Variants in ERFL observed in about 807,000 individuals in gnomAD.
ERFL encodes ETS repressor factor like.
A neutral mutation model predicts 27.9 loss-of-function variants in ERFL; 8 were observed. The ratio of observed to expected loss-of-function variants is 0.29; its 90% CI spans 0.17 to 0.52. The LOEUF is 0.52. ERFL is among the 20% of genes least tolerant of loss of function. ERFL has a pLI of 0.97. For synonymous variants in ERFL, 174 were observed against 202.8 expected (o/e 0.86, Z 1.21); for missense variants, 294 against 444.4 (o/e 0.66, Z 3.04).
Position 41,910,819 on chromosome 19 carries a change from C to A in ERFL, c.68-722G>T, listed in dbSNP as rs2074747480. Among the ~76,000 whole-genome samples the A allele has an allele frequency of 6.6e-6, 1 of 152,138 alleles. No individual in the cohort carries two copies. The highest frequency in any genetic ancestry group is 2.1e-4 in the South Asian group (1 of 4,838). On this transcript the variant is annotated intron_variant, in intron 2 of 5. Coordinates refer to ENST00000597630, the MANE Select transcript of ERFL (RefSeq NM_001365103.2). The surrounding 1 kb of genome is among the most constrained non-coding windows in gnomAD (Gnocchi z 4.4). ...ACAGCCACACTGGGACACAGGCACA[C>A]CGGAGTGCCACACTCATGCTGGGGG...
chr19:41,922,723 T>G (rs1599680223), intron 1 of ERFL, among the ~76,000 whole-genome samples: 1 of 151,396 alleles, frequency 6.6e-6, no homozygotes, highest in East Asian at 1.9e-4. Flanking sequence ...AGGGCCGGGG[T>G]CCAGCCGGGC....
chr19:41,915,217 G>A (rs922682856), intron 1 of ERFL, among the ~76,000 whole-genome samples: 26 of 120,020 alleles, frequency 2.2e-4, no homozygotes, highest in South Asian at 9.1e-4. Context: ...CGCCTCCTCC[G>A]GACACGTTAT....
rs2074743486 is a variant in ERFL, at chr19:41,910,009, C to T, written c.156G>A (p.Leu52=). The change falls in exon 3 of 6, where the codon CTG becomes CTA. Residue 52 remains leucine, a synonymous_variant. Coordinates refer to ENST00000597630, the MANE Select transcript of ERFL (RefSeq NM_001365103.2). This position sits in a 1 kb window ranked among gnomAD's most constrained non-coding sequence, Gnocchi z 4.4. The part of the protein sequence containing the change: ...IQLWHFILEL[L]QKEEYQGVIA... ...TGACGCCCTGGTACTCCTCCTTCTG[C>T]AGCAGCTCCAGGATAAAGTGCCACA... is the stretch of plus-strand genomic sequence containing the variant. 1.2e-6 allele frequency: 2 copies of T among 1,613,768 alleles called. No homozygotes were observed. The highest frequency in any genetic ancestry group is 1.7e-4 in the Middle Eastern group (1 of 5,878).
chr19:41,908,784 C>T lies in ERFL; in HGVS notation c.617-108G>A, dbSNP rs2074734367. On this transcript the variant is annotated intron_variant, in intron 5 of 5. Transcript: ENST00000597630. The surrounding 1 kb of genome is among the most constrained non-coding windows in gnomAD (Gnocchi z 6.7). ...ACCCCATCTCCCCGCATCCCTCCTA[C>T]ATGGCATCTTACCCCCTCATACAGC... 3.6e-6 allele frequency: 2 copies of T among 553,118 alleles called. No homozygotes were observed. The highest frequency in any genetic ancestry group is 9.6e-5 in the South Asian group (1 of 10,432). 34.3% of individuals were successfully genotyped at this position (553,118 alleles called of 1,614,324 possible).
rs1419097906 is a variant in ERFL, at chr19:41,916,733, A to G, written c.-13-3801T>C. 6.6e-6 allele frequency among the ~76,000 whole-genome samples: 1 copy of G among 151,834 alleles called. No individual in the cohort carries two copies. The highest frequency in any genetic ancestry group is 2.4e-5 in the African/African-American group (1 of 41,286). ...CACGCATGGAGCCGTAGAGATACAC[A>G]CACCAGCACCAACCCAGACAGCCAA... On this transcript the variant is annotated intron_variant, in intron 1 of 5. Transcript: ENST00000597630. The surrounding 1 kb of genome is among the most constrained non-coding windows in gnomAD (Gnocchi z 5.4).
chr19:41,922,491 TG>T (rs1473346959), intron 1 of ERFL, among the ~76,000 whole-genome samples: 2 of 151,208 alleles, frequency 1.3e-5, no homozygotes, highest in Non-Finnish European at 2.9e-5. Context: ...AGGCCAAAAA[TG>T]GGGAGAAGTG....
At position 41,909,666 on chromosome 19, in the gene ERFL, C is replaced by T. The variant is rs2074741472; in HGVS notation, c.303-195G>A. Among the ~76,000 whole-genome samples the T allele has an allele frequency of 6.6e-6, 1 of 152,118 alleles. No homozygotes were observed. Among genetic ancestry groups the T allele is most frequent in the African/African-American group, 2.4e-5 (1 of 41,418 alleles). Reference sequence around the variant, plus strand: ...AGGCAGGAGCGGGGACCCTGCCCTGCAAGACTCCAAAGCCCAGGTTTAGGG... The same window carrying T: ...AGGCAGGAGCGGGGACCCTGCCCTGTAAGACTCCAAAGCCCAGGTTTAGGG... On this transcript the variant is annotated intron_variant, in intron 3 of 5. Coordinates refer to ENST00000597630, the MANE Select transcript of ERFL (RefSeq NM_001365103.2). This position sits in a 1 kb window ranked among gnomAD's most constrained non-coding sequence, Gnocchi z 5.2.
intron 1 of ERFL, among the ~76,000 whole-genome samples, chr19:41,924,591 G>A (rs1193047214): frequency 6.6e-6 from 1 of 152,158 alleles, no homozygotes; most frequent in Admixed American, 6.5e-5. Flanking sequence ...GGAACAGGTG[G>A]GGCACACATT....
intron 2 of ERFL, among the ~76,000 whole-genome samples, chr19:41,912,089 A>C (rs10417495): frequency 0.23 from 34,247 of 152,012 alleles, 11,011 homozygotes; most frequent in African/African-American, 0.71. Flanking sequence ...GCACAGTCGG[A>C]GAGCTGGCAG....
intron 1 of ERFL, among the ~76,000 whole-genome samples, chr19:41,919,173 C>A (rs1166330723): frequency 3.3e-5 from 5 of 152,016 alleles, no homozygotes; most frequent in Non-Finnish European, 5.9e-5. Flanking sequence ...GCTTACTACT[C>A]TCAATACCAC....
intron 1 of ERFL, among the ~76,000 whole-genome samples, chr19:41,923,472 A>G (rs2145908925): frequency 6.6e-6 from 1 of 151,186 alleles, no homozygotes; most frequent in Middle Eastern, 3.4e-3. Flanking sequence ...ACAGAGACAA[A>G]AAGACAGGGT....
At chr19:41,926,624 C>T (rs2074871951) in intron 1 of ERFL, among the ~76,000 whole-genome samples, 1 of 151,994 alleles carries the variant, frequency 6.6e-6, no homozygotes, top group Admixed American at 6.5e-5. Context: ...CTGGGCTAGG[C>T]GAGGCCTGGC....
In ERFL at chr19:41,908,392, G is replaced by A. The variant is rs551336701; in HGVS notation, c.901C>T (p.Leu301=). The A allele has an allele frequency of 6.5e-6, 8 of 1,231,308 alleles. No homozygotes were observed. The African/African-American group carries it at 1.1e-4, about 17-fold the overall frequency. The allele number at this position is 1,231,308 out of a possible 1,614,324, so 76.3% of individuals were successfully genotyped here. The stretch of plus-strand genomic sequence containing the variant: ...GCCTCTGGACCCCCAGCCCCTGGCA[G>A]CGCCAGGCGAGGGGCCGCTGCCAGG... The part of the protein sequence containing the change: ...SGLAAAPRLA[L]PGAGGPEAAL... The change falls in exon 6 of 6, where the codon CTG becomes TTG. Residue 301 remains leucine (L), a synonymous_variant. Transcript: ENST00000597630. This position sits in a 1 kb window ranked among gnomAD's most constrained non-coding sequence, Gnocchi z 6.7.
chr19:41,909,299 C>A lies in ERFL; in HGVS notation c.475G>T (p.Asp159Tyr). 8.1e-7 allele frequency: 1 copy of A among 1,234,694 alleles called. No homozygotes were observed. Among genetic ancestry groups the A allele is most frequent in the Non-Finnish European group, 1.0e-6 (1 of 989,360 alleles). 76.5% of individuals were successfully genotyped at this position (1,234,694 alleles called of 1,614,324 possible). Residue 159 changes from aspartate to tyrosine, a missense_variant, in exon 4 of 6, where the codon GAT (aspartate) becomes TAT (tyrosine). Around this residue, in one of 3 missense-constraint regions of ERFL, gnomAD observed 246 missense variants for 371.4 expected, o/e 0.66. Coordinates refer to ENST00000597630, the MANE Select transcript of ERFL (RefSeq NM_001365103.2). This position sits in a 1 kb window ranked among gnomAD's most constrained non-coding sequence, Gnocchi z 5.2. ...PSPFGGAPGP[D>Y]APPLTPETLQ... ...ACCTCAGGGGTGAGGGGAGGAGCAT[C>A]TGGCCCTGGGGCCCCCCCAAAGGGA...
chr19:41,911,010 C>T (rs1555851199), intron 2 of ERFL, among the ~76,000 whole-genome samples: 1 of 152,152 alleles, frequency 6.6e-6, no homozygotes, highest in Non-Finnish European at 1.5e-5. Context: ...CCCAAATGCC[C>T]AAAGAACACA....
At chr19:41,923,689 C>T (rs1555852904) in intron 1 of ERFL, among the ~76,000 whole-genome samples, 7 of 34,754 alleles carry the variant, frequency 2.0e-4, no homozygotes, top group Non-Finnish European at 2.0e-4. Context: ...TCTGGGGAGG[C>T]AGGGGTGTGC....
rs868909516 is a variant in ERFL at position 41,914,649 on chromosome 19, T to C, written c.-13-1717A>G. Among the ~76,000 whole-genome samples, 160 of 17,810 alleles carry C rather than the reference T, an allele frequency of 9.0e-3. 3 individuals are homozygous for C. The highest frequency in any genetic ancestry group is 0.01 in the Non-Finnish European group (112 of 10,774). The allele number at this position is 17,810 out of a possible 152,430, so 11.7% of individuals were successfully genotyped here. ...TCTCTGTCTCTGTCTCTCCCTCCCT[T>C]TCCACCATCTCTGTCTCTCCCTCCC... is the stretch of plus-strand genomic sequence containing the variant. On this transcript the variant is annotated intron_variant, in intron 1 of 5. Coordinates refer to ENST00000597630, the MANE Select transcript of ERFL (RefSeq NM_001365103.2).
In ERFL at chr19:41,916,493, C is replaced by A. The variant is rs1246223494; in HGVS notation, c.-13-3561G>T. Reference sequence around the variant, plus strand: ...GTTTTACACAAATACACACATGACACATCAATTCAATCTCACACAGAAACA... The same window carrying A: ...GTTTTACACAAATACACACATGACAAATCAATTCAATCTCACACAGAAACA... On this transcript the variant is annotated intron_variant, in intron 1 of 5. Transcript: ENST00000597630. The surrounding 1 kb of genome is among the most constrained non-coding windows in gnomAD (Gnocchi z 5.4). Among the ~76,000 whole-genome samples, 1 of 152,040 alleles carries A rather than the reference C, an allele frequency of 6.6e-6. No homozygotes were observed. Among genetic ancestry groups the A allele is most frequent in the Non-Finnish European group, 1.5e-5 (1 of 68,014 alleles).
chr19:41,925,740 T>C (rs531746893), intron 1 of ERFL, among the ~76,000 whole-genome samples: 83 of 152,236 alleles, frequency 5.5e-4, no homozygotes, highest in South Asian at 1.2e-3. Context: ...GAAGTCAGTG[T>C]ACCTTGGAAG....
Sources: gnomAD v4.1 joint callset for allele counts (sites outside exome capture counted in the v4.1 genomes callset) on GRCh38, gnomAD v4.1.1 for gene constraint, gnomAD v4.1.1 regional missense constraint, Gnocchi (gnomAD v3.1) non-coding constraint, MANE v1.5 for transcripts, NCBI Gene and HGNC (gene_info 2026-07-23, HGNC 2026-07-21) for gene names.